HECW2: variants seen among roughly 807,000 people sequenced by gnomAD.
The protein encoded by HECW2 is HECT, C2 and WW domain containing E3 ubiquitin protein ligase 2, also known as E3 ubiquitin-protein ligase HECW2.
In HECW2, 61 loss-of-function variants were observed where a neutral mutation model predicts 175.2. The ratio of observed to expected loss-of-function variants is 0.35; its 90% confidence interval spans 0.28 to 0.43. The LOEUF is 0.43. Among genes scored for constraint, HECW2 ranks in the 20% least tolerant of loss-of-function variants. HECW2 has a pLI of 1.00. For missense variants in HECW2, 1,524 were observed against 2,000.5 expected (o/e 0.76, Z 4.54); for synonymous variants, 671 against 731.0 (o/e 0.92, Z 1.32).
chr2:196,199,703 C>T lies in HECW2; in HGVS notation c.*1574G>A, dbSNP rs1161818244. Reference sequence around the variant, plus strand: ...TTTTATGACCCCCAATTTAACTTCACTCTATTGAAAATCTGATTAGTCAAG... The same window carrying T: ...TTTTATGACCCCCAATTTAACTTCATTCTATTGAAAATCTGATTAGTCAAG... On this transcript the variant is annotated 3_prime_UTR_variant, in exon 29 of 29. Coordinates refer to ENST00000644978, the MANE Select transcript of HECW2 (RefSeq NM_001348768.2). 6.6e-6 allele frequency: 1 copy of T among 152,166 alleles called. No individual in the cohort carries two copies. The highest frequency in any genetic ancestry group is 1.5e-5 in the Non-Finnish European group (1 of 68,004). 9.4% of individuals were successfully genotyped at this position (152,166 alleles called of 1,614,324 possible).
chr2:196,225,501 T>C (rs1358909856), intron 23 of HECW2, among the ~76,000 whole-genome samples: 1 of 152,152 alleles, frequency 6.6e-6, no homozygotes, highest in Non-Finnish European at 1.5e-5. Context: ...ACAATTGTTT[T>C]AAAGAAACAC....
At position 196,274,035 on chromosome 2, in the gene HECW2, T is replaced by C. The variant is rs1689846853; in HGVS notation, c.3224A>G (p.Asp1075Gly). The change falls in exon 16 of 29, where the codon GAC (aspartate) becomes GGC (glycine). Residue 1075 changes from aspartate to glycine, a missense_variant. By Grantham distance (94) the Asp-to-Gly change is moderately conservative. This residue lies in a region of HECW2 where 291 missense variants were observed against 412.2 expected (regional missense o/e 0.71). Coordinates refer to ENST00000644978, the MANE Select transcript of HECW2 (RefSeq NM_001348768.2). Reference protein sequence around the residue: ...FNTVSRPQYQDMVPVAYNDKI... With the variant: ...FNTVSRPQYQGMVPVAYNDKI... Reference sequence around the variant, plus strand: ...GGATGACATACCCACTGGAACCATGTCCTGGTACTGTGGCCTACTGACTGT... The same window carrying C: ...GGATGACATACCCACTGGAACCATGCCCTGGTACTGTGGCCTACTGACTGT... The C allele has an allele frequency of 6.2e-7, 1 of 1,611,940 alleles. No homozygotes were observed. Among genetic ancestry groups the C allele is most frequent in the Non-Finnish European group, 8.5e-7 (1 of 1,178,092 alleles).
At chr2:196,513,744 G>C (rs534489541) in intron 1 of HECW2, among the ~76,000 whole-genome samples, 1 of 152,246 alleles carries the variant, frequency 6.6e-6, no homozygotes, top group African/African-American at 2.4e-5. Context: ...TGAAGAGACA[G>C]AGCGGATAAA....
At chr2:196,256,482 T>C (rs1452233949) in intron 18 of HECW2, among the ~76,000 whole-genome samples, 1 of 152,346 alleles carries the variant, frequency 6.6e-6, no homozygotes, top group East Asian at 1.9e-4. Flanking sequence ...TTATAAGCTA[T>C]AGTAAAATAA....
intron 1 of HECW2, among the ~76,000 whole-genome samples, chr2:196,589,175 G>C (rs1002670497): frequency 6.6e-6 from 1 of 152,036 alleles, no homozygotes; most frequent in Non-Finnish European, 1.5e-5. Flanking sequence ...CTCCAGTCTG[G>C]GCAACGGAGT....
intron 13 of HECW2, among the ~76,000 whole-genome samples, chr2:196,300,431 C>T (rs1176578665): frequency 6.6e-6 from 1 of 152,160 alleles, no homozygotes; most frequent in Non-Finnish European, 1.5e-5. Flanking sequence ...CACAAACACA[C>T]ATAACATGAA....
At chr2:196,395,745 G>T (rs1209574722) in intron 2 of HECW2, among the ~76,000 whole-genome samples, 2 of 151,744 alleles carry the variant, frequency 1.3e-5, no homozygotes. Context: ...TGTTAGTGAG[G>T]ATGTGGAGAA....
At chr2:196,382,780 C>G (rs1694243723) in intron 2 of HECW2, among the ~76,000 whole-genome samples, 1 of 32,458 alleles carries the variant, frequency 3.1e-5, no homozygotes, top group Non-Finnish European at 5.7e-5. Flanking sequence ...CATGAATGTT[C>G]TAAACCAGGG....
In HECW2 at chr2:196,233,172, G is replaced by A. The variant is rs1688114937; in HGVS notation, c.3765-4918C>T. On this transcript the variant is annotated intron_variant, in intron 21 of 28. Transcript: ENST00000644978. The stretch of plus-strand genomic sequence containing the variant: ...GTTACATTCCTGTTTTGCCAGTTAG[G>A]TTGGTTCCACAGCTAAAGGCTTGGC... 2.0e-5 allele frequency among the ~76,000 whole-genome samples: 3 copies of A among 152,120 alleles called. No individual in the cohort carries two copies. In the South Asian group the frequency reaches 6.2e-4, roughly 31 times the overall value.
chr2:196,425,433 G>A (rs953533068), intron 2 of HECW2, among the ~76,000 whole-genome samples: 2 of 152,010 alleles, frequency 1.3e-5, no homozygotes, highest in African/African-American at 4.8e-5. Context: ...GATGAATCTG[G>A]GCAAAGTAAA....
intron 1 of HECW2, among the ~76,000 whole-genome samples, chr2:196,587,355 A>T (rs1691019646): frequency 6.6e-6 from 1 of 152,222 alleles, no homozygotes; most frequent in South Asian, 2.1e-4. Context: ...AATAAAAAAT[A>T]GTTTTGAGAT....
intron 2 of HECW2, among the ~76,000 whole-genome samples, chr2:196,356,786 T>A (rs1298566836): frequency 6.6e-6 from 1 of 152,252 alleles, no homozygotes; most frequent in African/African-American, 2.4e-5. Flanking sequence ...TAGTTACTGT[T>A]AATCTCTTAC....
intron 3 of HECW2, among the ~76,000 whole-genome samples, chr2:196,341,283 T>TTGCCAAAATCACTCCAAAGGAAGTGATTA: frequency 6.6e-6 from 1 of 151,996 alleles, no homozygotes; most frequent in African/African-American, 2.4e-5. Context: ...TGGAGTGATT[T>TTGCCAAAATCACTCCAAAGGAAGTGATTA]TGCCAAAATC....
intron 2 of HECW2, among the ~76,000 whole-genome samples, chr2:196,385,851 C>T (rs1694331627): frequency 6.6e-6 from 1 of 152,086 alleles, no homozygotes; most frequent in African/African-American, 2.4e-5. Flanking sequence ...ATGAAACTAA[C>T]TTGGTTGGAA....
intron 19 of HECW2, among the ~76,000 whole-genome samples, chr2:196,250,105 A>G (rs1381992433): frequency 6.6e-6 from 1 of 152,190 alleles, no homozygotes; most frequent in Non-Finnish European, 1.5e-5. Flanking sequence ...TTGGCAATTT[A>G]CCTTTTCCTC....
Position 196,523,371 on chromosome 2 carries a change from T to G in HECW2, c.-36+70137A>C, listed in dbSNP as rs1688493654. 2.6e-5 allele frequency among the ~76,000 whole-genome samples: 4 copies of G among 152,112 alleles called. 1 individual carries two copies. In the South Asian group the frequency reaches 8.3e-4, roughly 32 times the overall value. ...AGTTGCTTATCAGCTTAAGGAGATT[T>G]TGGGCTGAGACAATGGGGTTTTCTA... On this transcript the variant is annotated intron_variant, in intron 1 of 28. Transcript: ENST00000644978.
intron 1 of HECW2, among the ~76,000 whole-genome samples, chr2:196,447,280 G>A (rs1448157273): frequency 6.6e-6 from 1 of 152,012 alleles, no homozygotes; most frequent in Non-Finnish European, 1.5e-5. Context: ...CTATTAACGG[G>A]CTGACAATGA....
chr2:196,414,622 G>C (rs1695204061), intron 2 of HECW2, among the ~76,000 whole-genome samples: 1 of 152,098 alleles, frequency 6.6e-6, no homozygotes, highest in African/African-American at 2.4e-5. Context: ...CTAGACACTA[G>C]GCTTCAGGAC....
chr2:196,295,476 T>C (rs145076734), intron 13 of HECW2, among the ~76,000 whole-genome samples: 1 of 152,206 alleles, frequency 6.6e-6, no homozygotes, highest in Non-Finnish European at 1.5e-5. Context: ...GGGATCATAA[T>C]GAGCTTTCAG....
Sources: gnomAD v4.1 joint callset for allele counts (sites outside exome capture counted in the v4.1 genomes callset) on GRCh38, gnomAD v4.1.1 for gene constraint, gnomAD v4.1.1 regional missense constraint, MANE v1.5 for transcripts, NCBI Gene and HGNC (gene_info 2026-07-23, HGNC 2026-07-21) for gene names.